Variants in GPC5 observed in about 807,000 individuals in gnomAD.
The protein encoded by GPC5 is glypican-5.
Under a neutral mutation model 53.9 loss-of-function variants are expected in GPC5, and 47 were observed. The ratio of observed to expected loss-of-function variants is 0.87; its 90% CI spans 0.69 to 1.11. GPC5 has a LOEUF of 1.11. Among genes scored for constraint, GPC5 ranks in the 50% most tolerant of loss-of-function variants. The pLI is 0.00. For synonymous variants in GPC5, 286 were observed against 263.3 expected (o/e 1.09, Z -0.84); for missense variants, 748 against 713.1 (o/e 1.05, Z -0.56).
At chr13:92,568,928 A>G (rs190192905) in intron 7 of GPC5, among the ~76,000 whole-genome samples, 57 of 151,828 alleles carry the variant, frequency 3.8e-4, no homozygotes, top group African/African-American at 1.3e-3. Flanking sequence ...TCTTTTTTTT[A>G]GTTTTATTAT....
chr13:91,560,184 G>A (rs550492275), intron 2 of GPC5, among the ~76,000 whole-genome samples: 22 of 152,074 alleles, frequency 1.4e-4, no homozygotes, highest in Non-Finnish European at 2.6e-4. Context: ...GGCATGAATT[G>A]GAGAAGGAAT....
At chr13:92,526,484 G>T (rs1461124111) in intron 7 of GPC5, among the ~76,000 whole-genome samples, 1 of 152,050 alleles carries the variant, frequency 6.6e-6, no homozygotes, top group East Asian at 1.9e-4. Context: ...AGAAAAGTCA[G>T]ACAGGAGAGC....
chr13:92,703,432 T>C (rs971109293), intron 7 of GPC5, among the ~76,000 whole-genome samples: 4 of 151,578 alleles, frequency 2.6e-5, no homozygotes, highest in Non-Finnish European at 5.9e-5. Flanking sequence ...TAAACACCTC[T>C]CTGGAAAAGC....
intron 7 of GPC5, among the ~76,000 whole-genome samples, chr13:92,268,366 T>C (rs2042816763): frequency 7.6e-6 from 1 of 131,234 alleles, no homozygotes; most frequent in African/African-American, 3.2e-5. Flanking sequence ...ACTTTTTTTT[T>C]CTCATGGAAA....
chr13:92,761,702 T>C (rs1303315863), intron 7 of GPC5, among the ~76,000 whole-genome samples: 1 of 152,216 alleles, frequency 6.6e-6, no homozygotes, highest in Non-Finnish European at 1.5e-5. Flanking sequence ...TAGAATGTAA[T>C]CCATTTACAT....
chr13:92,138,317 G>A lies in GPC5; in HGVS notation c.1402-6513G>A, dbSNP rs189156042. On this transcript the variant is annotated intron_variant, in intron 6 of 7. Coordinates refer to ENST00000377067, the MANE Select transcript of GPC5 (RefSeq NM_004466.6). ...GGGCAGATCACTAGGCCAAGAGATC[G>A]AAATCATCCTGGCAAAAAATGGTGA... Among the ~76,000 whole-genome samples the A allele has an allele frequency of 7.4e-3, 1,122 of 151,990 alleles. 13 individuals carry two copies. The highest frequency in any genetic ancestry group is 8.8e-3 in the Non-Finnish European group (596 of 67,982).
chr13:92,751,422 C>T (rs1443086123), intron 7 of GPC5, among the ~76,000 whole-genome samples: 1 of 145,340 alleles, frequency 6.9e-6, no homozygotes, highest in Non-Finnish European at 1.5e-5. Flanking sequence ...CTTAAAGAAG[C>T]AAGTCTTGGA....
intron 7 of GPC5, among the ~76,000 whole-genome samples, chr13:92,711,288 C>A (rs1362004042): frequency 6.6e-6 from 1 of 152,144 alleles, no homozygotes; most frequent in Non-Finnish European, 1.5e-5. Context: ...ATCCACAACA[C>A]TTTGAATTAA....
intron 2 of GPC5, among the ~76,000 whole-genome samples, chr13:91,548,331 T>A (rs943311788): frequency 1.3e-5 from 2 of 152,134 alleles, no homozygotes; most frequent in Non-Finnish European, 2.9e-5. Flanking sequence ...CATGAACAAA[T>A]GGGATTTAAA....
chr13:91,399,275 C>T (rs1876735823), intron 1 of GPC5, 66 bp downstream of exon 1: 2 of 1,539,792 alleles, frequency 1.3e-6, no homozygotes, highest in Non-Finnish European at 1.8e-6. Flanking sequence ...CCCCCAGGCT[C>T]CCTTGGTGGC....
intron 7 of GPC5, among the ~76,000 whole-genome samples, chr13:92,553,376 C>T (rs1326189152): frequency 1.3e-5 from 2 of 151,914 alleles, no homozygotes. Flanking sequence ...ATGATTGTAC[C>T]AACCAACTAA....
rs1005192440 is a variant in GPC5 at position 92,236,020 on chromosome 13, T to C, written c.1561+91031T>C. On this transcript the variant is annotated intron_variant, in intron 7 of 7. Coordinates refer to ENST00000377067, the MANE Select transcript of GPC5 (RefSeq NM_004466.6). ...ATGACTCAGGTAGAATAGCATTCTTTCCTTTACTATAAGAGAAGTCTGATC... is the reference window on the plus strand; with the variant it reads ...ATGACTCAGGTAGAATAGCATTCTTCCCTTTACTATAAGAGAAGTCTGATC... 4.9e-4 allele frequency among the ~76,000 whole-genome samples: 74 copies of C among 152,234 alleles called. 1 individual carries two copies. Among genetic ancestry groups the C allele is most frequent in the African/African-American group, 1.7e-3 (70 of 41,572 alleles).
chr13:91,440,924 G>C lies in GPC5; in HGVS notation c.164-7837G>C, dbSNP rs1880374770. Among the ~76,000 whole-genome samples, 7 of 152,072 alleles carry C rather than the reference G, an allele frequency of 4.6e-5. No homozygotes were observed. In the South Asian group the frequency reaches 1.4e-3, roughly 31 times the overall value. ...TGGGCAGAGTTTACACAGAAACTGGGGTTCTTGCTCTCAGCCCCTCTCTTC... is the reference window on the plus strand; with the variant it reads ...TGGGCAGAGTTTACACAGAAACTGGCGTTCTTGCTCTCAGCCCCTCTCTTC... On this transcript the variant is annotated intron_variant, in intron 1 of 7. Transcript: ENST00000377067.
intron 3 of GPC5, among the ~76,000 whole-genome samples, chr13:91,704,737 C>G (rs1043635974): frequency 2.6e-5 from 4 of 152,216 alleles, no homozygotes; most frequent in Non-Finnish European, 5.9e-5. Flanking sequence ...ACATGATCCT[C>G]GGAGTAAGGA....
chr13:92,702,278 T>G (rs1274250953), intron 7 of GPC5, among the ~76,000 whole-genome samples: 1 of 152,136 alleles, frequency 6.6e-6, no homozygotes, highest in Non-Finnish European at 1.5e-5. Context: ...TCCATATGCA[T>G]GCTGATGATA....
intron 2 of GPC5, among the ~76,000 whole-genome samples, chr13:91,582,741 G>T (rs867473520): frequency 6.6e-6 from 1 of 152,074 alleles, no homozygotes; most frequent in African/African-American, 2.4e-5. Flanking sequence ...GGCCAGGCAC[G>T]GTGGTTCACG....
intron 2 of GPC5, among the ~76,000 whole-genome samples, chr13:91,552,552 T>A (rs1447252992): frequency 6.6e-6 from 1 of 152,086 alleles, no homozygotes; most frequent in Non-Finnish European, 1.5e-5. Flanking sequence ...TTTCTATAGA[T>A]ATTAAATTAA....
At chr13:92,284,584 A>G (rs1169576299) in intron 7 of GPC5, among the ~76,000 whole-genome samples, 1 of 152,204 alleles carries the variant, frequency 6.6e-6, no homozygotes, top group Non-Finnish European at 1.5e-5. Flanking sequence ...AGGCTGGTTC[A>G]ACATACACAA....
chr13:92,789,858 A>T (rs1876399407), intron 7 of GPC5, among the ~76,000 whole-genome samples: 1 of 152,112 alleles, frequency 6.6e-6, no homozygotes. Flanking sequence ...CAAGCTGAGG[A>T]GCAGGGAAGC....
Sources: gnomAD v4.1 joint callset for allele counts (sites outside exome capture counted in the v4.1 genomes callset) on GRCh38, gnomAD v4.1.1 for gene constraint, MANE v1.5 for transcripts, NCBI Gene and HGNC (gene_info 2026-07-23, HGNC 2026-07-21) for gene names.